Variants in EEF1AKMT2 observed in about 807,000 individuals in gnomAD.
The protein encoded by EEF1AKMT2 is EEF1A lysine methyltransferase 2.
In EEF1AKMT2, 32 loss-of-function variants were observed where a neutral mutation model predicts 35.8. That is an observed-to-expected ratio of 0.89 (90% CI 0.67 to 1.20). EEF1AKMT2 has a LOEUF of 1.20. Among genes scored for constraint, EEF1AKMT2 ranks in the 50% most tolerant of loss-of-function variants. The probability of loss-of-function intolerance (pLI) is 0.00; values close to 1 mark genes in which losing one functional copy is unlikely to be tolerated. For missense variants in EEF1AKMT2, 330 were observed against 347.5 expected, an observed-to-expected ratio of 0.95 and a Z score of 0.40; for synonymous variants, 121 against 133.7, an observed-to-expected ratio of 0.91 and a Z score of 0.65.
At chr10:124,764,246 T>C (rs1950357886) in intron 5 of EEF1AKMT2, among the ~76,000 whole-genome samples, 1 of 151,342 alleles carries the variant, frequency 6.6e-6, no homozygotes, top group Admixed American at 6.6e-5. Flanking sequence ...GAGTACCATA[T>C]TATTTACCCA....
Position 124,758,852 on chromosome 10 carries a change from T to C in EEF1AKMT2, c.*1651A>G, listed in dbSNP as rs1056281290. The C allele has an allele frequency of 2.0e-5, 3 of 152,210 alleles. No individual in the cohort carries two copies. Among genetic ancestry groups the C allele is most frequent in the Non-Finnish European group, 2.9e-5 (2 of 68,026 alleles). 9.4% of individuals were successfully genotyped at this position (152,210 alleles called of 1,614,324 possible). A position where few individuals can be genotyped will look rare whatever the true frequency, so the allele number is the denominator to read the frequency against. On this transcript the variant is annotated 3_prime_UTR_variant, in exon 7 of 7. Transcript: ENST00000368836. ...AATCTTCTAAAAAATTTAAATTGCA[T>C]ATATTTTGAAGTAATTTCTCACTTT...
intron 3 of EEF1AKMT2, among the ~76,000 whole-genome samples, chr10:124,781,026 A>AC (rs1950535294): frequency 6.6e-6 from 1 of 151,478 alleles, no homozygotes; most frequent in South Asian, 2.1e-4. Flanking sequence ...GCTCACTGCA[A>AC]CCCCCGCCTC....
rs984879977 is a variant in EEF1AKMT2, at chr10:124,758,031, C to T, written c.*2472G>A. 1 of 152,222 alleles carries T rather than the reference C, an allele frequency of 6.6e-6. No individual in the cohort carries two copies. Among genetic ancestry groups the T allele is most frequent in the Non-Finnish European group, 1.5e-5 (1 of 68,036 alleles). The allele number at this position is 152,222 out of a possible 1,614,324, so 9.4% of individuals were successfully genotyped here. ...TCCCTTTGGACTTGCACACGCACTT[C>T]CTACACACAGAAGTGGCCTGTTATG... On this transcript the variant is annotated 3_prime_UTR_variant, in exon 7 of 7. Coordinates refer to ENST00000368836, the MANE Select transcript of EEF1AKMT2 (RefSeq NM_212554.4).
chr10:124,790,555 A>T, intron 1 of EEF1AKMT2, among the ~76,000 whole-genome samples: 1 of 152,156 alleles, frequency 6.6e-6, no homozygotes. Context: ...CATGTAAAGC[A>T]TTTAGGACAA....
At chr10:124,783,060 G>A (rs1950556531) in intron 3 of EEF1AKMT2, 1 of 302,478 alleles carries the variant, frequency 3.3e-6, no homozygotes, top group Non-Finnish European at 6.5e-6. Flanking sequence ...AAAAGGGGCT[G>A]AACATCATGT....
At chr10:124,784,130 A>G (rs903574615) in intron 3 of EEF1AKMT2, among the ~76,000 whole-genome samples, 73 of 152,124 alleles carry the variant, frequency 4.8e-4, no homozygotes, top group Non-Finnish European at 2.1e-4. Flanking sequence ...GGCAATACAT[A>G]CATTTTTCAA....
At position 124,759,682 on chromosome 10, in the gene EEF1AKMT2, A is replaced by C. The variant is rs1238546710; in HGVS notation, c.*821T>G. 6.6e-6 allele frequency: 1 copy of C among 152,252 alleles called. No individual in the cohort carries two copies. The highest frequency in any genetic ancestry group is 2.4e-5 in the African/African-American group (1 of 41,470). The allele number at this position is 152,252 out of a possible 1,614,324, so 9.4% of individuals were successfully genotyped here. On this transcript the variant is annotated 3_prime_UTR_variant, in exon 7 of 7. Coordinates refer to ENST00000368836, the MANE Select transcript of EEF1AKMT2 (RefSeq NM_212554.4). ...TTCATTTTCCTTATACGTAGAAACA[A>C]GAACAAGCAATACATACCTCAAGAA...
At chr10:124,789,261 G>A in intron 2 of EEF1AKMT2, 104 bp from the exon 3 acceptor site, 1 of 688,132 alleles carries the variant, frequency 1.5e-6, no homozygotes, top group East Asian at 2.9e-5. Context: ...TTATTTGAAA[G>A]TGAAAACATC....
In EEF1AKMT2 at chr10:124,765,475, G is replaced by C. The variant is rs1950371110; in HGVS notation, c.533C>G (p.Ser178Cys). The C allele has an allele frequency of 3.1e-6, 5 of 1,613,828 alleles. No homozygotes were observed. Among genetic ancestry groups the C allele is most frequent in the Non-Finnish European group, 4.2e-6 (5 of 1,179,970 alleles). ...AAAGCCTTTTACTTTCAACACCCTG[G>C]AGAGAGATTTCACATATTGCTTCCT... ...EKRKQYVKSL[S>C]RVLKVKGFFL... Residue 178 changes from serine to cysteine, a missense_variant, in exon 5 of 7, where the codon TCC becomes TGC. Ser to Cys is a moderately radical substitution (Grantham distance 112). Coordinates refer to ENST00000368836, the MANE Select transcript of EEF1AKMT2 (RefSeq NM_212554.4).
intron 4 of EEF1AKMT2, among the ~76,000 whole-genome samples, chr10:124,771,787 T>G (rs1950439385): frequency 1.3e-5 from 2 of 152,084 alleles, no homozygotes; most frequent in African/African-American, 4.8e-5. Context: ...GAGAATGGCA[T>G]GAACCTGGGA....
In EEF1AKMT2 at chr10:124,760,327, A is replaced by T. The variant is rs1473353856; in HGVS notation, c.*176T>A. On this transcript the variant is annotated 3_prime_UTR_variant, in exon 7 of 7. Coordinates refer to ENST00000368836, the MANE Select transcript of EEF1AKMT2 (RefSeq NM_212554.4). ...CATCCTGTGTACTTACTAAGCATTT[A>T]TTTGCACAAGGATTTTCTGTGTCAG... 3.3e-6 allele frequency: 3 copies of T among 903,018 alleles called. No individual in the cohort carries two copies. In the African/African-American group the frequency reaches 5.0e-5, roughly 15 times the overall value. 55.9% of individuals were successfully genotyped at this position (903,018 alleles called of 1,614,324 possible).
intron 6 of EEF1AKMT2, among the ~76,000 whole-genome samples, chr10:124,761,267 A>G (rs1252782915): frequency 6.6e-6 from 1 of 152,230 alleles, no homozygotes; most frequent in African/African-American, 2.4e-5. Flanking sequence ...CTTAATACAG[A>G]AAGGCAAAAT....
Position 124,791,715 on chromosome 10 carries a change from C to G in EEF1AKMT2, c.110+9G>C. On this transcript the variant is annotated intron_variant, in intron 1 of 6. Coordinates refer to ENST00000368836, the MANE Select transcript of EEF1AKMT2 (RefSeq NM_212554.4). ...CGGCTCATCCTCCCCTGCCCAGCGT[C>G]ACACTCACTGCTCGCGGGTCCCCAG... The G allele has an allele frequency of 5.1e-6, 8 of 1,576,934 alleles. No homozygotes were observed. The highest frequency in any genetic ancestry group is 6.9e-6 in the Non-Finnish European group (8 of 1,166,142).
intron 4 of EEF1AKMT2, among the ~76,000 whole-genome samples, chr10:124,767,428 G>T (rs1197901638): frequency 6.7e-6 from 1 of 150,320 alleles, no homozygotes; most frequent in Non-Finnish European, 1.5e-5. Flanking sequence ...CAGGAGAATT[G>T]CTTGAACTGG....
At chr10:124,777,531 T>TG (rs1194996747) in intron 3 of EEF1AKMT2, among the ~76,000 whole-genome samples, 1 of 151,928 alleles carries the variant, frequency 6.6e-6, no homozygotes, top group East Asian at 1.9e-4. Flanking sequence ...TTTTTTTTTT[T>TG]TTTTTGAGAC....
chr10:124,789,072 T>G lies in EEF1AKMT2; in HGVS notation c.262A>C (p.Thr88Pro). 1 of 1,613,318 alleles carries G rather than the reference T, an allele frequency of 6.2e-7. No homozygotes were observed. The highest frequency in any genetic ancestry group is 1.1e-5 in the South Asian group (1 of 90,968). ...PLDASVLDIG[T>P]GNGVFLVELA... is the part of the protein sequence containing the mutation. ...TCAACCAGGAAAACACCATTTCCAGTTCCAATATCAAGCACTGAAGCATCC... is the reference window on the plus strand; with the variant it reads ...TCAACCAGGAAAACACCATTTCCAGGTCCAATATCAAGCACTGAAGCATCC... The change falls in exon 3 of 7, where the codon ACT (threonine) becomes CCT (proline). Residue 88 changes from threonine to proline, a missense_variant. Transcript: ENST00000368836.
intron 2 of EEF1AKMT2, among the ~76,000 whole-genome samples, chr10:124,789,865 G>C (rs947065837): frequency 2.0e-5 from 3 of 150,856 alleles, no homozygotes; most frequent in African/African-American, 7.3e-5. Flanking sequence ...GGATTTTTAG[G>C]CTTTCTTTGG....
chr10:124,763,262 T>TA (rs1950347833), intron 5 of EEF1AKMT2, among the ~76,000 whole-genome samples: 1 of 152,218 alleles, frequency 6.6e-6, no homozygotes, highest in Admixed American at 6.5e-5. Context: ...TGGTTCCAGG[T>TA]AACCCTCACT....
At position 124,765,254 on chromosome 10, in the gene EEF1AKMT2, A is replaced by C. The variant is rs1950368586; in HGVS notation, c.616+138T>G. 3 of 670,298 alleles carry C rather than the reference A, an allele frequency of 4.5e-6. No homozygotes were observed. In the African/African-American group the frequency reaches 5.4e-5, roughly 12 times the overall value. The allele number at this position is 670,298 out of a possible 1,614,324, so 41.5% of individuals were successfully genotyped here. ...CATATACAGTCAAAAGTTATTGTCAAGGTAATTAACAGAGAAAAAAGCAGG... is the reference window on the plus strand; with the variant it reads ...CATATACAGTCAAAAGTTATTGTCACGGTAATTAACAGAGAAAAAAGCAGG... On this transcript the variant is annotated intron_variant, in intron 5 of 6. Transcript: ENST00000368836.
Sources: allele counts gnomAD v4.1 joint callset (sites outside exome capture counted in the v4.1 genomes callset), GRCh38; gene constraint gnomAD v4.1.1; transcripts MANE v1.5; gene names NCBI Gene and HGNC (gene_info 2026-07-23, HGNC 2026-07-21).